CLSTN3: variants seen among roughly 807,000 people sequenced by gnomAD.
CLSTN3 encodes the protein calsyntenin-3.
CLSTN3 carries 36 observed loss-of-function variants against 95.9 expected under a neutral mutation model. The observed-to-expected ratio is 0.38, with a 90% CI of 0.29 to 0.50. The LOEUF is 0.50. Among genes scored for constraint, CLSTN3 ranks in the 20% least tolerant of loss-of-function variants. The probability of loss-of-function intolerance (pLI) is 0.95; values close to 1 mark genes in which losing one functional copy is unlikely to be tolerated. For missense variants in CLSTN3, 1,084 were observed against 1,268.8 expected (o/e 0.85, Z 2.21); for synonymous variants, 481 against 504.0 (o/e 0.95, Z 0.61).
chr12:7,132,082 C>T (rs1050798673), intron 1 of CLSTN3, among the ~76,000 whole-genome samples: 10 of 152,126 alleles, frequency 6.6e-5, no homozygotes, highest in African/African-American at 2.2e-4. Flanking sequence ...CCCACAGCCC[C>T]TCACCAGGCT....
At chr12:7,144,896 A>G (rs1222326827) in intron 12 of CLSTN3, among the ~76,000 whole-genome samples, 2 of 152,178 alleles carry the variant, frequency 1.3e-5, no homozygotes, top group African/African-American at 4.8e-5. Context: ...GGTCACAGGC[A>G]GTTGAGTTAA....
In CLSTN3 at chr12:7,137,103, C is replaced by A. The variant is rs1313022585; in HGVS notation, c.1203C>A (p.Val401=). ...KEEETIVCNT[V]QNEDGFSHYS... ...AGGAAACCATCGTATGTAACACTGT[C>A]CAGAATGGTGAGCCTCCCCTCCAGG... The change falls in exon 7 of 18, where the codon GTC becomes GTA. Residue 401 remains valine (V), a synonymous_variant. Coordinates refer to ENST00000266546, the MANE Select transcript of CLSTN3 (RefSeq NM_014718.4). The surrounding 1 kb of genome is among the most constrained non-coding windows in gnomAD (Gnocchi z 4.4). The A allele has an allele frequency of 2.5e-6, 4 of 1,603,722 alleles. No individual in the cohort carries two copies. In the African/African-American group the frequency reaches 5.4e-5, roughly 21 times the overall value.
chr12:7,142,737 G>GTTTCCCCATTTCTCCTTTTTTTT, intron 10 of CLSTN3, 132 bp from the exon 11 acceptor site: 6 of 224,112 alleles, frequency 2.7e-5, no homozygotes, highest in South Asian at 1.5e-4. Context: ...TTTTTTTTTG[G>GTTTCCCCATTTCTCCTTTTTTTT]TTTCCACATT....
Position 7,135,962 on chromosome 12 carries a change from T to A in CLSTN3, c.742+9T>A. ...TAAACCCAGCTGGCAAGGTGAGAGCTCAGCGCTGTGCCCCATCTTGTGAAT... is the reference window on the plus strand; with the variant it reads ...TAAACCCAGCTGGCAAGGTGAGAGCACAGCGCTGTGCCCCATCTTGTGAAT... On this transcript the variant is annotated intron_variant, in intron 5 of 17. Coordinates refer to ENST00000266546, the MANE Select transcript of CLSTN3 (RefSeq NM_014718.4). 6.3e-7 allele frequency: 1 copy of A among 1,598,106 alleles called. No homozygotes were observed. The highest frequency in any genetic ancestry group is 2.2e-5 in the East Asian group (1 of 44,796).
At position 7,149,024 on chromosome 12, in the gene CLSTN3, G is replaced by T; in HGVS notation, c.1900G>T (p.Val634Phe). The T allele has an allele frequency of 1.2e-6, 2 of 1,614,188 alleles. No homozygotes were observed. The highest frequency in any genetic ancestry group is 2.2e-5 in the South Asian group (2 of 91,086). ...CATCCCTGAAGTGGAGGGCTACGTG[G>T]TCGTCCTTCAGCCTGACGCCCCCCA... is the stretch of plus-strand genomic sequence containing the variant. The part of the protein sequence containing the change: ...VSIPEVEGYV[V>F]VLQPDAPQIL... Residue 634 changes from valine to phenylalanine, a missense_variant, in exon 13 of 18, where the codon GTC becomes TTC. Physicochemically the swap from Val to Phe is conservative, Grantham distance 50. Transcript: ENST00000266546. This position sits in a 1 kb window ranked among gnomAD's most constrained non-coding sequence, Gnocchi z 4.5.
intron 12 of CLSTN3, among the ~76,000 whole-genome samples, chr12:7,147,552 C>T (rs1591619440): frequency 1.3e-5 from 2 of 148,238 alleles, no homozygotes; most frequent in South Asian, 4.3e-4. Context: ...CACTCTGTCG[C>T]CCAGGCTGGA....
intron 16 of CLSTN3, chr12:7,156,065 G>C (rs1939809724): frequency 2.8e-6 from 1 of 358,040 alleles, no homozygotes; most frequent in Non-Finnish European, 5.5e-6. Context: ...AATGCGATGT[G>C]TGTATTTTTC....
chr12:7,130,847 A>G, intron 1 of CLSTN3, 135 bp downstream of exon 1: 1 of 774,060 alleles, frequency 1.3e-6, no homozygotes, highest in South Asian at 1.5e-5. Flanking sequence ...CCTCCTTCCC[A>G]TCCGTTCTCA....
At chr12:7,154,151 A>C (rs763593977) in intron 16 of CLSTN3, among the ~76,000 whole-genome samples, 3 of 152,244 alleles carry the variant, frequency 2.0e-5, no homozygotes, top group Non-Finnish European at 4.4e-5. Flanking sequence ...CATTCACGGC[A>C]TAAAACCCTT....
chr12:7,148,392 A>G (rs1209794475), intron 12 of CLSTN3, among the ~76,000 whole-genome samples: 1 of 152,194 alleles, frequency 6.6e-6, no homozygotes, highest in Non-Finnish European at 1.5e-5. Context: ...TGGATCCTCA[A>G]GCTTCATGAG....
chr12:7,135,282 G>A (rs375784823), intron 3 of CLSTN3, 45 bp from the exon 4 acceptor site: 32 of 1,583,618 alleles, frequency 2.0e-5, no homozygotes, highest in Admixed American at 3.3e-5. Flanking sequence ...TAATGTCGAG[G>A]CTGGCTGACG....
rs1241198541 is a variant in CLSTN3 at position 7,137,728 on chromosome 12, A to G, written c.1211-227A>G. Among the ~76,000 whole-genome samples the G allele has an allele frequency of 6.8e-6, 1 of 147,936 alleles. No homozygotes were observed. ...CTCAGCCAGCCAGCCAGGGTGCCTA[A>G]GAAGCCCAAGTTATCACTTGGACTG... is the stretch of plus-strand genomic sequence containing the variant. On this transcript the variant is annotated intron_variant, in intron 7 of 17. Transcript: ENST00000266546. The surrounding 1 kb of genome is among the most constrained non-coding windows in gnomAD (Gnocchi z 4.4).
In CLSTN3 at chr12:7,157,874, C is replaced by T. The variant is rs1034728467; in HGVS notation, c.2731-67C>T. On this transcript the variant is annotated intron_variant, in intron 17 of 17. Transcript: ENST00000266546. The surrounding 1 kb of genome is among the most constrained non-coding windows in gnomAD (Gnocchi z 5.9). ...TTAAGGGGACCGAGGGAAGTGTGGTCCCTGAAAGAGAGGCTGGGATGTGTG... is the reference window on the plus strand; with the variant it reads ...TTAAGGGGACCGAGGGAAGTGTGGTTCCTGAAAGAGAGGCTGGGATGTGTG... 4.5e-6 allele frequency: 7 copies of T among 1,539,240 alleles called. No individual in the cohort carries two copies. Among genetic ancestry groups the T allele is most frequent in the Non-Finnish European group, 6.1e-6 (7 of 1,144,220 alleles).
chr12:7,129,368 C>T (rs776356445), upstream of CLSTN3: 1 of 166,432 alleles, frequency 6.0e-6, no homozygotes, highest in African/African-American at 2.4e-5. This position sits in a 1 kb window ranked among gnomAD's most constrained non-coding sequence, Gnocchi z 5.5. Context: ...AGGCCTGGCT[C>T]TCAGAGCTCC....
Position 7,150,347 on chromosome 12 carries a change from C to G in CLSTN3, c.2246-197C>G, listed in dbSNP as rs753274212. ...AGAGCAGGAAATGGAGCCTTGATCT[C>G]TCCATCCTAGTTAGTCAGAGTGGGC... On this transcript the variant is annotated intron_variant, in intron 14 of 17. Coordinates refer to ENST00000266546, the MANE Select transcript of CLSTN3 (RefSeq NM_014718.4). The surrounding 1 kb of genome is among the most constrained non-coding windows in gnomAD (Gnocchi z 4.0). Among the ~76,000 whole-genome samples the G allele has an allele frequency of 6.6e-6, 1 of 152,344 alleles. No individual in the cohort carries two copies. Among genetic ancestry groups the G allele is most frequent in the East Asian group, 1.9e-4 (1 of 5,182 alleles).
chr12:7,149,250 G>A lies in CLSTN3; in HGVS notation c.2074+52G>A. 6.7e-7 allele frequency: 1 copy of A among 1,490,812 alleles called. No homozygotes were observed. The highest frequency in any genetic ancestry group is 1.4e-5 in the African/African-American group (1 of 72,314). The allele number at this position is 1,490,812 out of a possible 1,614,324, so 92.3% of individuals were successfully genotyped here. A position where few individuals can be genotyped will look rare whatever the true frequency, so the allele number is the denominator to read the frequency against. On this transcript the variant is annotated intron_variant, in intron 13 of 17. Transcript: ENST00000266546. The surrounding 1 kb of genome is among the most constrained non-coding windows in gnomAD (Gnocchi z 4.5). ...CATCCAGAGAACCAGCCAGTGTCTG[G>A]AGTCAGAGTGTGGGAGAACTCCTGG... is the stretch of plus-strand genomic sequence containing the variant.
Position 7,133,781 on chromosome 12 carries a change from T to G in CLSTN3, c.383+13T>G, listed in dbSNP as rs912282901. On this transcript the variant is annotated intron_variant, in intron 3 of 17. Coordinates refer to ENST00000266546, the MANE Select transcript of CLSTN3 (RefSeq NM_014718.4). This position sits in a 1 kb window ranked among gnomAD's most constrained non-coding sequence, Gnocchi z 4.7. ...AGAAGTCCCACAAGTGAGGAAGTCCTTGTCTCCTGCCCCATGTGTTGCAGG... is the reference window on the plus strand; with the variant it reads ...AGAAGTCCCACAAGTGAGGAAGTCCGTGTCTCCTGCCCCATGTGTTGCAGG... The G allele has an allele frequency of 1.1e-5, 17 of 1,550,546 alleles. No individual in the cohort carries two copies. The highest frequency in any genetic ancestry group is 1.5e-5 in the Non-Finnish European group (17 of 1,151,556).
intron 12 of CLSTN3, among the ~76,000 whole-genome samples, chr12:7,148,190 AAGAAAGAAAG>A (rs1041242576): frequency 6.9e-6 from 1 of 144,232 alleles, no homozygotes; most frequent in African/African-American, 2.9e-5. Flanking sequence ...GAAAGAAAGA[AAGAAAGAAAG>A]AAAGAAAGAA....
intron 12 of CLSTN3, among the ~76,000 whole-genome samples, chr12:7,145,559 A>G (rs1939610353): frequency 1.3e-5 from 2 of 151,496 alleles, no homozygotes; most frequent in Middle Eastern, 3.4e-3. Context: ...AGTTTTCCTG[A>G]AGTTTTTTTT....
Sources: gnomAD v4.1 joint callset for allele counts (sites outside exome capture counted in the v4.1 genomes callset) on GRCh38, gnomAD v4.1.1 for gene constraint, Gnocchi (gnomAD v3.1) non-coding constraint, MANE v1.5 for transcripts, NCBI Gene and HGNC (gene_info 2026-07-23, HGNC 2026-07-21) for gene names.